The following IFT80 variants were observed in gnomAD, a reference collection of about 807,000 sequenced individuals.
IFT80 encodes intraflagellar transport protein 80 homolog.
IFT80 carries 79 observed loss-of-function variants against 107.9 expected under a neutral mutation model. That is an observed-to-expected ratio of 0.73 (90% CI 0.61 to 0.88). IFT80 has a LOEUF of 0.88. Among genes scored for constraint, IFT80 ranks in the 40% least tolerant of loss-of-function variants. The pLI is 0.00. For synonymous variants in IFT80, 299 were observed against 300.9 expected, an observed-to-expected ratio of 0.99 and a Z score of 0.07; for missense variants, 797 against 914.2, an observed-to-expected ratio of 0.87 and a Z score of 1.65.
At chr3:160,341,523 C>T (rs1215819147) in intron 8 of IFT80, among the ~76,000 whole-genome samples, 1 of 152,104 alleles carries the variant, frequency 6.6e-6, no homozygotes, top group African/African-American at 2.4e-5. Flanking sequence ...CCTACCCCAA[C>T]CTGCCTAGAC....
intron 1 of IFT80, among the ~76,000 whole-genome samples, chr3:160,397,417 C>G (rs944947520): frequency 6.6e-6 from 1 of 152,188 alleles, no homozygotes; most frequent in African/African-American, 2.4e-5. Context: ...AGGAGCTACC[C>G]TTCCTCTAAC....
Position 160,268,555 on chromosome 3 carries a change from C to G in IFT80, c.2100-19G>C. The G allele has an allele frequency of 6.2e-7, 1 of 1,610,962 alleles. No individual in the cohort carries two copies. The highest frequency in any genetic ancestry group is 1.1e-5 in the South Asian group (1 of 90,972). On this transcript the variant is annotated intron_variant, in intron 18 of 19. Transcript: ENST00000326448. ...CAGTGCCCTATAATGAGAAATAAAA[C>G]AGATTATTAACATTGTTTGTGTCAG...
chr3:160,263,156 C>T (rs1712998388), intron 19 of IFT80, among the ~76,000 whole-genome samples: 2 of 151,678 alleles, frequency 1.3e-5, no homozygotes, highest in Admixed American at 6.6e-5. Context: ...TATCAGCTGC[C>T]CACACTAGAA....
chr3:160,379,675 C>T (rs1281478153), intron 3 of IFT80, among the ~76,000 whole-genome samples: 3 of 152,102 alleles, frequency 2.0e-5, no homozygotes, highest in Non-Finnish European at 2.9e-5. Flanking sequence ...ATTGTTTGTA[C>T]AATTCTTAAA....
chr3:160,320,768 T>C (rs1718152693), intron 8 of IFT80, among the ~76,000 whole-genome samples: 1 of 151,886 alleles, frequency 6.6e-6, no homozygotes, highest in East Asian at 1.9e-4. Flanking sequence ...TATATACATA[T>C]ATATATTTTG....
intron 6 of IFT80, among the ~76,000 whole-genome samples, chr3:160,360,348 G>GGA (rs761561492): frequency 5.9e-5 from 9 of 152,084 alleles, no homozygotes; most frequent in Non-Finnish European, 1.0e-4. Context: ...AAGAAATATG[G>GGA]GACTATGTGA....
Position 160,277,447 on chromosome 3 carries a change from T to C in IFT80, c.1958A>G (p.Lys653Arg). 1 of 1,610,220 alleles carries C rather than the reference T, an allele frequency of 6.2e-7. No individual in the cohort carries two copies. The highest frequency in any genetic ancestry group is 8.5e-7 in the Non-Finnish European group (1 of 1,176,654). The change falls in exon 18 of 20, where the codon AAA becomes AGA. Residue 653 changes from lysine to arginine, a missense_variant. Coordinates refer to ENST00000326448, the MANE Select transcript of IFT80 (RefSeq NM_020800.3). Reference sequence around the variant, plus strand: ...TTTTGATTCTTTAGATGGAAGATTTTTTATAGAATTGATGTACTGAACCTT... The same window carrying C: ...TTTTGATTCTTTAGATGGAAGATTTCTTATAGAATTGATGTACTGAACCTT... ...IDKVQYINSI[K>R]NLPSKESKMA...
At chr3:160,312,785 AAT>A (rs370286821) in intron 9 of IFT80, among the ~76,000 whole-genome samples, 8,365 of 27,804 alleles carry the variant, frequency 0.3, 2,201 homozygotes, top group Non-Finnish European at 0.41. Context: ...ATAAATATAT[AAT>A]ATATATATAA....
At chr3:160,338,582 T>TCACTGCAC (rs1267162555) in intron 8 of IFT80, among the ~76,000 whole-genome samples, 1 of 149,994 alleles carries the variant, frequency 6.7e-6, no homozygotes, top group Non-Finnish European at 1.5e-5. Context: ...CAGTGAGCCA[T>TCACTGCAC]CACTGCACCA....
chr3:160,383,480 A>C, intron 2 of IFT80: 1 of 955,682 alleles, frequency 1.0e-6, no homozygotes, highest in Non-Finnish European at 1.2e-6. Flanking sequence ...GTGCTTTCCT[A>C]GTTCTGATGA....
chr3:160,388,114 C>T (rs765474427), intron 1 of IFT80, among the ~76,000 whole-genome samples: 82 of 152,060 alleles, frequency 5.4e-4, no homozygotes, highest in Non-Finnish European at 5.7e-4. Context: ...GGACAATTAG[C>T]CGCATGCTAA....
At chr3:160,310,035 TA>T (rs1717129599) in intron 9 of IFT80, among the ~76,000 whole-genome samples, 1 of 151,744 alleles carries the variant, frequency 6.6e-6, no homozygotes, top group African/African-American at 2.4e-5. Context: ...TAGACTCAAG[TA>T]AAAACGAAAA....
chr3:160,300,038 T>TCCACCTCCCGGGG (rs2108265988), intron 12 of IFT80, among the ~76,000 whole-genome samples: 2 of 152,238 alleles, frequency 1.3e-5, no homozygotes, highest in South Asian at 2.1e-4. Context: ...TCACATGGCC[T>TCCACCTCCCGGGG]TCTGGCAGTT....
intron 1 of IFT80, among the ~76,000 whole-genome samples, chr3:160,389,965 T>A (rs1713241523): frequency 6.6e-6 from 1 of 152,186 alleles, no homozygotes; most frequent in African/African-American, 2.4e-5. Context: ...AAAGTGTTCC[T>A]ATTTCTCCAC....
intron 6 of IFT80, among the ~76,000 whole-genome samples, chr3:160,362,856 T>C (rs1205717875): frequency 6.6e-6 from 1 of 152,194 alleles, no homozygotes; most frequent in Non-Finnish European, 1.5e-5. Flanking sequence ...TAGGTATTGA[T>C]GGAACATATC....
rs987270967 is a variant in IFT80 at position 160,394,642 on chromosome 3, G to A, written c.-47+4504C>T. Among the ~76,000 whole-genome samples the A allele has an allele frequency of 6.6e-5, 10 of 152,146 alleles. No individual in the cohort carries two copies. The South Asian group carries it at 1.5e-3, about 22-fold the overall frequency. ...CGGGCGCCTATAATCCCAGCTACTC[G>A]GGAGGCTGAGGCAGGAGAGATCACT... is the stretch of plus-strand genomic sequence containing the variant. On this transcript the variant is annotated intron_variant, in intron 1 of 19. Coordinates refer to ENST00000326448, the MANE Select transcript of IFT80 (RefSeq NM_020800.3).
intron 5 of IFT80, chr3:160,373,680 T>C (rs969841076): frequency 5.8e-6 from 1 of 171,764 alleles, no homozygotes; most frequent in Non-Finnish European, 1.2e-5. Flanking sequence ...CTGCTGGGGG[T>C]GATGGGAGAC....
At chr3:160,311,353 AG>A (rs1483737340) in intron 9 of IFT80, among the ~76,000 whole-genome samples, 1 of 152,254 alleles carries the variant, frequency 6.6e-6, no homozygotes, top group Non-Finnish European at 1.5e-5. Context: ...CAAACCAACT[AG>A]AAAAATATAT....
chr3:160,329,320 T>C (rs1052612774), intron 8 of IFT80, among the ~76,000 whole-genome samples: 3 of 152,216 alleles, frequency 2.0e-5, no homozygotes, highest in African/African-American at 7.2e-5. Context: ...GGTTCACATT[T>C]GTATTACTAC....
Sources: allele counts gnomAD v4.1 joint callset (sites outside exome capture counted in the v4.1 genomes callset), GRCh38; gene constraint gnomAD v4.1.1; transcripts MANE v1.5; gene names NCBI Gene and HGNC (gene_info 2026-07-23, HGNC 2026-07-21).